NPAS3: variants seen among roughly 807,000 people sequenced by gnomAD.
NPAS3 encodes neuronal PAS domain-containing protein 3.
A neutral mutation model predicts 73.1 loss-of-function variants in NPAS3; 14 were observed. The observed-to-expected ratio is 0.19, with a 90% confidence interval of 0.13 to 0.30. The LOEUF (loss-of-function observed/expected upper bound fraction) is 0.30. NPAS3 is among the 10% of genes least tolerant of loss of function. The pLI, the probability that NPAS3 is intolerant of heterozygous loss-of-function variation, is 1.00. For missense variants in NPAS3, 1,096 were observed against 1,250.0 expected (o/e 0.88, Z 1.86); for synonymous variants, 620 against 541.5 (o/e 1.14, Z -2.01).
intron 4 of NPAS3, among the ~76,000 whole-genome samples, chr14:33,510,287 C>T (rs1466709271): frequency 6.6e-6 from 1 of 152,046 alleles, no homozygotes; most frequent in African/African-American, 2.4e-5. Context: ...CTTTAGGGGC[C>T]TCCACATCCA....
intron 4 of NPAS3, among the ~76,000 whole-genome samples, chr14:33,408,526 C>A (rs2047769898): frequency 6.6e-6 from 1 of 152,058 alleles, no homozygotes; most frequent in Admixed American, 6.6e-5. Context: ...CCATTGGCCA[C>A]CATCCAAACA....
intron 4 of NPAS3, among the ~76,000 whole-genome samples, chr14:33,403,302 C>T (rs1004506340): frequency 6.6e-6 from 1 of 151,880 alleles, no homozygotes; most frequent in Non-Finnish European, 1.5e-5. Flanking sequence ...TAAAAAAAAG[C>T]ATAAGAAATG....
chr14:33,211,395 A>T (rs1487155573), intron 2 of NPAS3, among the ~76,000 whole-genome samples: 3 of 152,192 alleles, frequency 2.0e-5, no homozygotes, highest in African/African-American at 4.8e-5. Context: ...AGCCTGGCCA[A>T]CATGAAAAAT....
chr14:33,250,539 C>A (rs983034400), intron 3 of NPAS3, among the ~76,000 whole-genome samples: 1 of 152,094 alleles, frequency 6.6e-6, no homozygotes, highest in African/African-American at 2.4e-5. Context: ...CACTGATGCT[C>A]GCATTAAACT....
chr14:33,355,734 C>T (rs2045309994), intron 3 of NPAS3, among the ~76,000 whole-genome samples: 1 of 152,188 alleles, frequency 6.6e-6, no homozygotes, highest in Non-Finnish European at 1.5e-5. Flanking sequence ...TTCCCTTCAC[C>T]TGGACATCAT....
At chr14:32,960,151 C>T (rs184561227) in intron 1 of NPAS3, among the ~76,000 whole-genome samples, 52 of 151,934 alleles carry the variant, frequency 3.4e-4, no homozygotes, top group Middle Eastern at 3.4e-3. Context: ...AGAGATCACC[C>T]GAGAGGGTTT....
intron 1 of NPAS3, among the ~76,000 whole-genome samples, chr14:33,051,296 A>AAAAAAAAAAAAAAAAAAAAAAGAG (rs771840433): frequency 7.0e-5 from 10 of 142,512 alleles, no homozygotes; most frequent in African/African-American, 2.2e-4. Context: ...AAAAAAAAAA[A>AAAAAAAAAAAAAAAAAAAAAAGAG]AGAGAGACTA....
chr14:33,611,953 C>T (rs1198842439), intron 5 of NPAS3, among the ~76,000 whole-genome samples: 1 of 152,136 alleles, frequency 6.6e-6, no homozygotes, highest in Admixed American at 6.5e-5. Flanking sequence ...CTAGTGAATA[C>T]TTGAATAAAT....
chr14:33,797,720 C>T (rs2063553934), intron 11 of NPAS3, 139 bp downstream of exon 11: 2 of 803,334 alleles, frequency 2.5e-6, no homozygotes, highest in Non-Finnish European at 4.0e-6. Flanking sequence ...CAAGTTATTA[C>T]TGAGTGTCTG....
intron 2 of NPAS3, among the ~76,000 whole-genome samples, chr14:33,197,552 T>G (rs2046416526): frequency 6.6e-6 from 1 of 150,500 alleles, no homozygotes; most frequent in Admixed American, 6.6e-5. Flanking sequence ...CCACAGATGC[T>G]CCTGTAATGG....
intron 3 of NPAS3, among the ~76,000 whole-genome samples, chr14:33,224,682 A>G (rs1056943142): frequency 2.0e-5 from 3 of 152,062 alleles, no homozygotes; most frequent in Non-Finnish European, 4.4e-5. Flanking sequence ...GCTACTTACG[A>G]TTGGAATCCC....
chr14:33,755,137 G>T (rs781500518), intron 7 of NPAS3, among the ~76,000 whole-genome samples: 2 of 152,196 alleles, frequency 1.3e-5, no homozygotes, highest in African/African-American at 4.8e-5. Flanking sequence ...GAGGATAATA[G>T]TACCTCTCCT....
intron 2 of NPAS3, among the ~76,000 whole-genome samples, chr14:33,123,205 G>T (rs1026148059): frequency 3.9e-5 from 6 of 152,056 alleles, no homozygotes; most frequent in Admixed American, 6.6e-5. Context: ...TGCTTCAGCA[G>T]TTACTTTAGA....
intron 4 of NPAS3, among the ~76,000 whole-genome samples, chr14:33,508,506 A>G (rs1269799330): frequency 6.6e-6 from 1 of 152,094 alleles, no homozygotes; most frequent in Non-Finnish European, 1.5e-5. Flanking sequence ...AAAAGACTCC[A>G]GAAAGTAACC....
chr14:33,574,077 G>T (rs146626451), intron 5 of NPAS3, among the ~76,000 whole-genome samples: 1 of 152,170 alleles, frequency 6.6e-6, no homozygotes, highest in Admixed American at 6.5e-5. Context: ...CTCAAGAGAG[G>T]TTGGGTTCAA....
chr14:33,358,378 G>C (rs28372977), intron 3 of NPAS3, among the ~76,000 whole-genome samples: 6,474 of 152,228 alleles, frequency 0.043, 351 homozygotes, highest in East Asian at 0.22. Flanking sequence ...CAGTCCTTCA[G>C]GTTTCTAAGA....
intron 6 of NPAS3, among the ~76,000 whole-genome samples, chr14:33,678,848 A>G (rs1397354533): frequency 2.0e-5 from 3 of 152,122 alleles, no homozygotes; most frequent in Non-Finnish European, 4.4e-5. Context: ...AAATATGTCA[A>G]TATAAGAACT....
intron 1 of NPAS3, among the ~76,000 whole-genome samples, chr14:32,999,459 A>C (rs1162543135): frequency 3.3e-5 from 5 of 152,154 alleles, no homozygotes; most frequent in African/African-American, 4.8e-5. Context: ...TGCAGTGAGC[A>C]GAGATCACAC....
chr14:33,255,159 G>C (rs963779186), intron 3 of NPAS3, among the ~76,000 whole-genome samples: 3 of 152,134 alleles, frequency 2.0e-5, no homozygotes, highest in African/African-American at 7.2e-5. Flanking sequence ...TAACATAGCA[G>C]GTTTGGAAAT....
Sources: gnomAD v4.1 joint callset for allele counts (sites outside exome capture counted in the v4.1 genomes callset) on GRCh38, gnomAD v4.1.1 for gene constraint, MANE v1.5 for transcripts, NCBI Gene and HGNC (gene_info 2026-07-23, HGNC 2026-07-21) for gene names.